The following SLK variants were observed in gnomAD, a reference collection of about 807,000 sequenced individuals.
SLK encodes the protein STE20 like kinase, also known as STE20-like serine/threonine-protein kinase.
A neutral mutation model predicts 147.7 loss-of-function variants in SLK; 67 were observed. That is an observed-to-expected ratio of 0.45 (90% CI 0.37 to 0.56). The LOEUF is 0.56. Among genes scored for constraint, SLK ranks in the 20% least tolerant of loss-of-function variants. The probability of loss-of-function intolerance (pLI) is 0.00; values close to 1 mark genes in which losing one functional copy is unlikely to be tolerated. For synonymous variants in SLK, 441 were observed against 475.0 expected (o/e 0.93, Z 0.93); for missense variants, 1,136 against 1,438.8 (o/e 0.79, Z 3.41).
intron 8 of SLK, among the ~76,000 whole-genome samples, chr10:104,001,791 C>CCA: frequency 6.6e-6 from 1 of 152,238 alleles, no homozygotes; most frequent in African/African-American, 2.4e-5. Context: ...GCAGTGGTCA[C>CCA]TACAACCTCT....
At chr10:104,013,664 G>C (rs1389481040) in intron 13 of SLK, among the ~76,000 whole-genome samples, 3 of 152,214 alleles carry the variant, frequency 2.0e-5, no homozygotes, top group Non-Finnish European at 4.4e-5. Context: ...AGTCTTTTCA[G>C]TTGTCATCTT....
intron 1 of SLK, among the ~76,000 whole-genome samples, chr10:103,982,992 G>C (rs1169439897): frequency 6.6e-6 from 1 of 152,206 alleles, no homozygotes; most frequent in Non-Finnish European, 1.5e-5. Flanking sequence ...ATAAAGAAAG[G>C]AGAATCTCCC....
chr10:104,006,732 ATTTTAATTGATAAAGATTGTTTTGTGTG>A (rs1400578632), intron 11 of SLK, among the ~76,000 whole-genome samples: 1 of 152,212 alleles, frequency 6.6e-6, no homozygotes, highest in East Asian at 1.9e-4. Context: ...TTGACTTGTA[ATTTTAATTGATAAAGATTGTTTTGTGTG>A]AACTGTGGAT....
At chr10:103,969,368 T>C (rs531182505) in intron 1 of SLK, among the ~76,000 whole-genome samples, 1 of 152,246 alleles carries the variant, frequency 6.6e-6, no homozygotes, top group Non-Finnish European at 1.5e-5. Flanking sequence ...GGCTAAAATA[T>C]CTACTCCTCT....
chr10:104,020,695 A>G (rs1259779371), intron 17 of SLK, 82 bp downstream of exon 17: 60 of 1,428,714 alleles, frequency 4.2e-5, no homozygotes, highest in Non-Finnish European at 4.9e-5. Flanking sequence ...TAGCTAGCCA[A>G]AGTCAACTGC....
At chr10:104,007,138 C>T (rs557961805) in intron 11 of SLK, among the ~76,000 whole-genome samples, 9 of 151,688 alleles carry the variant, frequency 5.9e-5, no homozygotes, top group Admixed American at 1.3e-4. Context: ...TAAATAATGG[C>T]GATATTATTA....
chr10:104,018,176 A>G lies in SLK; in HGVS notation c.2894A>G (p.Gln965Arg). ...SQHAQEQEFVQKQQQELDGSL... is the reference protein window; with the variant it reads ...SQHAQEQEFVRKQQQELDGSL... ...TTTTAATAGGAACAAGAGTTTGTTC[A>G]GAAACAACAGCAAGAATTAGATGGC... The change falls in exon 14 of 19, where the codon CAG becomes CGG. Residue 965 changes from glutamine (Q) to arginine (R), a missense_variant. Gln to Arg is a conservative substitution (Grantham distance 43). This residue lies in a region of SLK where 327 missense variants were observed against 457.5 expected (regional missense o/e 0.71). Transcript: ENST00000369755. The G allele has an allele frequency of 6.2e-7, 1 of 1,605,378 alleles. No individual in the cohort carries two copies. Among genetic ancestry groups the G allele is most frequent in the Non-Finnish European group, 8.5e-7 (1 of 1,177,106 alleles).
intron 1 of SLK, among the ~76,000 whole-genome samples, chr10:103,987,891 T>C (rs917395426): frequency 1.3e-5 from 2 of 152,146 alleles, no homozygotes; most frequent in African/African-American, 4.8e-5. Context: ...GGCAAAACTT[T>C]GCCTCCACCC....
Position 103,982,916 on chromosome 10 carries a change from A to G in SLK, c.151-7759A>G, listed in dbSNP as rs529692518. ...ATAGGGTTTGAATCCCAAGTCTGAC[A>G]TCTGTTTTTGGGATGGCCTTCCGCA... On this transcript the variant is annotated intron_variant, in intron 1 of 18. Transcript: ENST00000369755. Among the ~76,000 whole-genome samples, 25 of 152,350 alleles carry G rather than the reference A, an allele frequency of 1.6e-4. 1 individual carries two copies. In the South Asian group the frequency reaches 5.2e-3, roughly 32 times the overall value.
chr10:104,003,676 A>T (rs1445574022), intron 9 of SLK, 149 bp downstream of exon 9: 1 of 723,930 alleles, frequency 1.4e-6, no homozygotes, highest in Non-Finnish European at 2.1e-6. Flanking sequence ...AGCAATTAAA[A>T]AGAACTAAGG....
chr10:103,996,538 A>G (rs1844176848), intron 4 of SLK, among the ~76,000 whole-genome samples: 1 of 151,498 alleles, frequency 6.6e-6, no homozygotes, highest in South Asian at 2.1e-4. Context: ...AGCTGGGACT[A>G]CAGGCGCCCG....
Position 104,003,237 on chromosome 10 carries a change from C to A in SLK, c.2059C>A (p.Pro687Thr). The A allele has an allele frequency of 6.2e-7, 1 of 1,612,290 alleles. No individual in the cohort carries two copies. Among genetic ancestry groups the A allele is most frequent in the South Asian group, 1.1e-5 (1 of 90,882 alleles). The change falls in exon 9 of 19, where the codon CCA (proline) becomes ACA (threonine). Residue 687 changes from proline (P) to threonine (T), a missense_variant. Pro to Thr is a conservative substitution (Grantham distance 38, BLOSUM62 -1). Transcript: ENST00000369755. The part of the protein sequence containing the change: ...TQIDKEKKEI[P>T]VSIKKEPEVT... ...GATAGATAAAGAGAAAAAAGAAATT[C>A]CAGTGTCAATTAAAAAAGAGCCTGA... is the stretch of plus-strand genomic sequence containing the variant.
chr10:104,008,066 G>A (rs1844351397), intron 11 of SLK, 111 bp from the exon 12 acceptor site: 6 of 779,370 alleles, frequency 7.7e-6, no homozygotes, highest in Admixed American at 2.5e-5. Flanking sequence ...GAAGGTTATA[G>A]TACATTACTA....
intron 12 of SLK, among the ~76,000 whole-genome samples, chr10:104,009,592 T>C (rs778881071): frequency 4.5e-4 from 68 of 152,242 alleles, no homozygotes; most frequent in Admixed American, 8.5e-4. Flanking sequence ...TGGGGCTACA[T>C]GTTAATTTTC....
rs1844360850 is a variant in SLK at position 104,008,692 on chromosome 10, A to G, written c.2784+336A>G. Among the ~76,000 whole-genome samples the G allele has an allele frequency of 2.6e-5, 4 of 152,348 alleles. No individual in the cohort carries two copies. In the South Asian group the frequency reaches 8.3e-4, roughly 32 times the overall value. ...TTGAGTTTAATCCATCTTAAGGTCT[A>G]CCATTGTCCTTAATGCAACACATTT... On this transcript the variant is annotated intron_variant, in intron 12 of 18. Transcript: ENST00000369755.
chr10:103,991,281 G>T (rs915438726), intron 2 of SLK, among the ~76,000 whole-genome samples: 2 of 151,890 alleles, frequency 1.3e-5, no homozygotes, highest in Non-Finnish European at 1.5e-5. Context: ...GTATTATCAG[G>T]TTCAACTTTA....
chr10:103,971,008 T>A (rs1336497749), intron 1 of SLK, among the ~76,000 whole-genome samples: 1 of 152,176 alleles, frequency 6.6e-6, no homozygotes, highest in Non-Finnish European at 1.5e-5. Flanking sequence ...CAGATTAGAT[T>A]TTCAGATTTG....
intron 2 of SLK, among the ~76,000 whole-genome samples, chr10:103,992,258 C>G (rs1412383704): frequency 1.4e-5 from 2 of 146,284 alleles, no homozygotes. Flanking sequence ...CACAAGTTGC[C>G]TTAAAAATAT....
chr10:103,998,990 G>T lies in SLK; in HGVS notation c.587+19G>T. The stretch of plus-strand genomic sequence containing the variant: ...CATATTGGTATGTATTCAGTTTTAT[G>T]AATTTATAGTATTAGTCATGTCAGC... On this transcript the variant is annotated intron_variant, in intron 5 of 18. Coordinates refer to ENST00000369755, the MANE Select transcript of SLK (RefSeq NM_014720.4). 6.3e-7 allele frequency: 1 copy of T among 1,578,462 alleles called. No individual in the cohort carries two copies. The highest frequency in any genetic ancestry group is 1.3e-5 in the African/African-American group (1 of 74,290).
Sources: gnomAD v4.1 joint callset for allele counts (sites outside exome capture counted in the v4.1 genomes callset) on GRCh38, gnomAD v4.1.1 for gene constraint, gnomAD v4.1.1 regional missense constraint, MANE v1.5 for transcripts, NCBI Gene and HGNC (gene_info 2026-07-23, HGNC 2026-07-21) for gene names.